REV3L: variants seen among roughly 807,000 people sequenced by gnomAD.
REV3L encodes REV3 like, DNA directed polymerase zeta catalytic subunit.
Under a neutral mutation model 299.4 loss-of-function variants are expected in REV3L, and 69 were observed. That is an observed-to-expected ratio of 0.23 (90% confidence interval 0.19 to 0.28). REV3L has a LOEUF of 0.28. Ranked by LOEUF, REV3L falls within the 10% of genes least tolerant of loss-of-function variation. REV3L has a pLI of 1.00. For synonymous variants in REV3L, 1,238 were observed against 1,271.4 expected (o/e 0.97, Z 0.56); for missense variants, 3,128 against 3,693.8 (o/e 0.85, Z 3.97).
intron 1 of REV3L, among the ~76,000 whole-genome samples, chr6:111,457,741 T>C (rs148432338): frequency 0.029 from 4,336 of 151,640 alleles, 76 homozygotes; most frequent in South Asian, 0.079. Context: ...ATACCTGCAA[T>C]TGAAATCACA....
chr6:111,387,720 A>C lies in REV3L; in HGVS notation c.1096+45T>G, dbSNP rs371863810. ...TCAAATATTAACATCTCAGTGCTAG[A>C]TATCTGTTCTAGTAGTTTCTGTATA... On this transcript the variant is annotated intron_variant, in intron 9 of 31. Transcript: ENST00000368802. The C allele has an allele frequency of 7.1e-6, 11 of 1,546,104 alleles. No homozygotes were observed. The East Asian group carries it at 2.5e-4, about 35-fold the overall frequency.
At chr6:111,364,388 CTAATA>C (rs1778998545) in intron 15 of REV3L, among the ~76,000 whole-genome samples, 1 of 151,948 alleles carries the variant, frequency 6.6e-6, no homozygotes, top group Non-Finnish European at 1.5e-5. Context: ...GTATTTTACT[CTAATA>C]TAACATGTGT....
chr6:111,400,542 G>A (rs115191956), intron 4 of REV3L, among the ~76,000 whole-genome samples: 4,332 of 151,988 alleles, frequency 0.029, 73 homozygotes, highest in South Asian at 0.079. Flanking sequence ...TAGGTCTTTT[G>A]ACCATTTTTA....
intron 30 of REV3L, among the ~76,000 whole-genome samples, chr6:111,308,737 C>T (rs994131675): frequency 1.3e-5 from 2 of 152,184 alleles, no homozygotes; most frequent in African/African-American, 4.8e-5. Context: ...TTTCTATTAA[C>T]TGGCTTATTC....
In REV3L at chr6:111,362,574, T is replaced by C. The variant is rs1019440045; in HGVS notation, c.6879+1279A>G. Among the ~76,000 whole-genome samples, 8 of 152,178 alleles carry C rather than the reference T, an allele frequency of 5.3e-5. 1 individual carries two copies. Among genetic ancestry groups the C allele is most frequent in the African/African-American group, 1.9e-4 (8 of 41,448 alleles). On this transcript the variant is annotated intron_variant, in intron 16 of 31. Coordinates refer to ENST00000368802, the MANE Select transcript of REV3L (RefSeq NM_001372078.1). Reference sequence around the variant, plus strand: ...ATTTAAAAAAATAAAAATAGGTTAATTTAAAAACACTTTGATCTGATCCAA... The same window carrying C: ...ATTTAAAAAAATAAAAATAGGTTAACTTAAAAACACTTTGATCTGATCCAA...
At chr6:111,300,206 G>A (rs956630463) in intron 31 of REV3L, 50 bp from the exon 32 acceptor site, 2 of 1,459,596 alleles carry the variant, frequency 1.4e-6, no homozygotes, top group Non-Finnish European at 1.8e-6. Context: ...TTTTATGCGT[G>A]TATGCAAACA....
At chr6:111,403,103 G>A (rs1783254999) in intron 4 of REV3L, among the ~76,000 whole-genome samples, 1 of 152,158 alleles carries the variant, frequency 6.6e-6, no homozygotes, top group South Asian at 2.1e-4. Flanking sequence ...CAACACTGAT[G>A]AACCGTGAAA....
chr6:111,365,296 G>T lies in REV3L; in HGVS notation c.6722C>A (p.Thr2241Asn). ...LSNKKGSNTD[T>N]LRRVLLTQAK... Reference sequence around the variant, plus strand: ...TTGTGTTAACAGTACTCTTCTAAGAGTGTCAGTATTACTTCCTTTCTTATT... The same window carrying T: ...TTGTGTTAACAGTACTCTTCTAAGATTGTCAGTATTACTTCCTTTCTTATT... Residue 2241 changes from threonine to asparagine, a missense_variant, in exon 15 of 32, where the codon ACT (threonine) becomes AAT (asparagine). This residue lies in a region of REV3L where 2,409 missense variants were observed against 2,611.8 expected (regional missense o/e 0.92). Transcript: ENST00000368802. 1 of 1,570,964 alleles carries T rather than the reference G, an allele frequency of 6.4e-7. No homozygotes were observed.
Position 111,374,948 on chromosome 6 carries a change from G to C in REV3L, c.3407C>G (p.Ala1136Gly). The C allele has an allele frequency of 6.2e-7, 1 of 1,612,998 alleles. No homozygotes were observed. The highest frequency in any genetic ancestry group is 8.5e-7 in the Non-Finnish European group (1 of 1,179,662). ...TTCTGCAGCAGCCATGATTTCTTCAGCTCTTGGATCTGTGGGAGACCAGCA... is the reference window on the plus strand; with the variant it reads ...TTCTGCAGCAGCCATGATTTCTTCACCTCTTGGATCTGTGGGAGACCAGCA... ...PRCWSPTDPR[A>G]EEIMAAAEKE... is the part of the protein sequence containing the mutation. Residue 1136 changes from alanine (A) to glycine (G), a missense_variant, in exon 13 of 32, where the codon GCT becomes GGT. Around this residue, in one of 9 missense-constraint regions of REV3L, gnomAD observed 2,409 missense variants for 2,611.8 expected, o/e 0.92. Coordinates refer to ENST00000368802, the MANE Select transcript of REV3L (RefSeq NM_001372078.1).
At chr6:111,323,796 T>C (rs1774452997) in intron 25 of REV3L, among the ~76,000 whole-genome samples, 1 of 150,124 alleles carries the variant, frequency 6.7e-6, no homozygotes, top group Non-Finnish European at 1.5e-5. Context: ...AAACTGCACA[T>C]TTTTTTTTGT....
intron 26 of REV3L, among the ~76,000 whole-genome samples, chr6:111,316,865 GAAT>G (rs1273615822): frequency 1.3e-5 from 2 of 152,012 alleles, no homozygotes; most frequent in Non-Finnish European, 2.9e-5. Context: ...ACTTGGTAAT[GAAT>G]AATATTGAAT....
intron 29 of REV3L, 114 bp from the exon 30 acceptor site, chr6:111,310,213 A>G: frequency 7.7e-7 from 1 of 1,303,320 alleles, no homozygotes; most frequent in Non-Finnish European, 1.0e-6. Flanking sequence ...TACAAAAGAC[A>G]ATTTCAAAAC....
chr6:111,325,955 T>G (rs1478963161), intron 25 of REV3L, among the ~76,000 whole-genome samples: 2 of 152,212 alleles, frequency 1.3e-5, no homozygotes, highest in Non-Finnish European at 2.9e-5. Context: ...GCAACCATCA[T>G]TCTACTCTCT....
At chr6:111,415,546 T>C (rs1444632989) in intron 2 of REV3L, among the ~76,000 whole-genome samples, 2 of 152,142 alleles carry the variant, frequency 1.3e-5, no homozygotes, top group Non-Finnish European at 2.9e-5. Flanking sequence ...CTAATGATAG[T>C]AGGTGATACT....
At chr6:111,377,132 G>T (rs1780393980) in intron 12 of REV3L, among the ~76,000 whole-genome samples, 1 of 152,066 alleles carries the variant, frequency 6.6e-6, no homozygotes, top group South Asian at 2.1e-4. Context: ...AAACATTAAA[G>T]TTTTCAAAGC....
At chr6:111,337,319 T>C (rs1158445606) in intron 21 of REV3L, among the ~76,000 whole-genome samples, 1 of 152,222 alleles carries the variant, frequency 6.6e-6, no homozygotes, top group Non-Finnish European at 1.5e-5. Flanking sequence ...TCCTAAACTC[T>C]ATAAATGTTT....
chr6:111,407,624 ATTGTAGT>A (rs1297839765), intron 3 of REV3L, among the ~76,000 whole-genome samples: 3 of 152,182 alleles, frequency 2.0e-5, no homozygotes, highest in Admixed American at 2.0e-4. Context: ...TAGAAGCCAT[ATTGTAGT>A]AAGTTAAAGA....
At chr6:111,450,491 A>C (rs1789385174) in intron 1 of REV3L, among the ~76,000 whole-genome samples, 3 of 150,388 alleles carry the variant, frequency 2.0e-5, no homozygotes, top group African/African-American at 4.9e-5. Context: ...AAAAAAAAAA[A>C]AAAAAAAAAA....
At chr6:111,382,620 T>C (rs879516494) in intron 9 of REV3L, among the ~76,000 whole-genome samples, 1 of 152,178 alleles carries the variant, frequency 6.6e-6, no homozygotes, top group Non-Finnish European at 1.5e-5. Flanking sequence ...TACTATGGGC[T>C]AAAGTGCTTT....
Sources: allele counts gnomAD v4.1 joint callset (sites outside exome capture counted in the v4.1 genomes callset), GRCh38; gene constraint gnomAD v4.1.1; regional missense constraint gnomAD v4.1.1; transcripts MANE v1.5; gene names NCBI Gene and HGNC (gene_info 2026-07-23, HGNC 2026-07-21).